MSH6: variants seen among roughly 807,000 people sequenced by gnomAD.
MSH6 encodes mutS homolog 6.
Under a neutral mutation model 119.1 loss-of-function variants are expected in MSH6, and 85 were observed. The observed-to-expected ratio is 0.71, with a 90% confidence interval of 0.60 to 0.85. The LOEUF (loss-of-function observed/expected upper bound fraction) is 0.85, where lower values mean the gene tolerates loss of function less well. MSH6 is among the 40% of genes least tolerant of loss of function. The pLI is 0.00. For missense variants in MSH6, 2,163 were observed against 1,655.3 expected, an observed-to-expected ratio of 1.31 and a Z score of -5.32; for synonymous variants, 830 against 586.9, an observed-to-expected ratio of 1.41 and a Z score of -5.99.
chr2:47,806,410 C>T (rs1396287278), intron 8 of MSH6, 42 bp from the exon 9 acceptor site: 1 of 1,611,210 alleles, frequency 6.2e-7, no homozygotes, highest in Admixed American at 1.7e-5. Context: ...GAGGGCACTT[C>T]TCTTGCTAGC....
At chr2:47,808,591 G>C (rs1184740234), downstream of MSH6, 1 of 529,452 alleles carries the variant, frequency 1.9e-6, no homozygotes. Context: ...AATGGAGTAA[G>C]TGATTTTCCT....
Position 47,783,201 on chromosome 2 carries a change from C to G in MSH6, c.-33C>G. ...ATGCGGTGCTTTTAGGAGCTCCGTC[C>G]GACAGAACGGTTGGGCCTTGCCGGC... On this transcript the variant is annotated 5_prime_UTR_variant, in exon 1 of 10. Transcript: ENST00000234420. The G allele has an allele frequency of 6.2e-7, 1 of 1,609,842 alleles. No individual in the cohort carries two copies. The highest frequency in any genetic ancestry group is 1.1e-5 in the South Asian group (1 of 90,588).
chr2:47,803,861 C>G (rs3136352), intron 5 of MSH6, among the ~76,000 whole-genome samples, 176 bp downstream of exon 5: 1 of 152,114 alleles, frequency 6.6e-6, no homozygotes, highest in East Asian at 1.9e-4. Context: ...GCTGAAACAT[C>G]GATGCTTAAT....
chr2:47,803,168 T>C (rs1158627667), intron 4 of MSH6, among the ~76,000 whole-genome samples: 1 of 152,240 alleles, frequency 6.6e-6, no homozygotes, highest in Non-Finnish European at 1.5e-5. Context: ...TCTGCCCGCC[T>C]AGGCCTCCTG....
chr2:47,784,984 C>T (rs1000878445), intron 1 of MSH6: 3 of 151,956 alleles, frequency 2.0e-5, no homozygotes, highest in Admixed American at 2.0e-4. Context: ...CCCACCACGC[C>T]TGGCTAATTT....
At chr2:47,809,296 T>G (rs765868245), downstream of MSH6, 2 of 1,369,162 alleles carry the variant, frequency 1.5e-6, no homozygotes, top group African/African-American at 1.5e-5. Flanking sequence ...AAGTAAAAAT[T>G]CAGAGGAATG....
At chr2:47,807,521 TACTGGG>T (rs1013220641), downstream of MSH6, 1 of 210,406 alleles carries the variant, frequency 4.8e-6, no homozygotes, top group African/African-American at 2.3e-5. Flanking sequence ...AGAACGTACA[TACTGGG>T]ACATGAGTAC....
intron 1 of MSH6, chr2:47,784,244 T>C (rs1572699789): frequency 3.0e-6 from 3 of 999,242 alleles, no homozygotes; most frequent in South Asian, 9.4e-5. Flanking sequence ...CTTCGGTAGG[T>C]AGGCTGCACG....
intron 2 of MSH6, among the ~76,000 whole-genome samples, chr2:47,795,572 C>T (rs2104219687): frequency 6.6e-6 from 1 of 150,530 alleles, no homozygotes; most frequent in South Asian, 2.1e-4. Context: ...TTTAAGTGAT[C>T]TTCCCACCTC....
rs28903083 is a variant in MSH6, at chr2:47,799,036, C to T, written c.1053C>T (p.His351=). 2.3e-5 allele frequency: 37 copies of T among 1,614,026 alleles called. No individual in the cohort carries two copies. The highest frequency in any genetic ancestry group is 1.6e-4 in the Middle Eastern group (1 of 6,084). ...SAPQNSESQA[H]VSGGGDDSSR... Reference sequence around the variant, plus strand: ...CTCAAAATTCTGAATCCCAAGCCCACGTTAGTGGAGGTGGTGATGACAGTA... The same window carrying T: ...CTCAAAATTCTGAATCCCAAGCCCATGTTAGTGGAGGTGGTGATGACAGTA... Residue 351 remains histidine, a synonymous_variant, in exon 4 of 10, where the codon CAC becomes CAT. Transcript: ENST00000234420.
Position 47,806,616 on chromosome 2 carries a change from A to C in MSH6, c.3966A>C (p.Glu1322Asp), listed in dbSNP as rs1064794745. Reference protein sequence around the residue: ...VIQKGHRKAREFEKMNQSLRL... With the variant: ...VIQKGHRKARDFEKMNQSLRL... ...AAAAGGGACATAGAAAAGCAAGAGA[A>C]TTTGAGAAGATGAATCAGTCACTAC... Residue 1322 changes from glutamate to aspartate, a missense_variant, in exon 9 of 10, where the codon GAA (glutamate) becomes GAC (aspartate). Coordinates refer to ENST00000234420, the MANE Select transcript of MSH6 (RefSeq NM_000179.3). The C allele has an allele frequency of 6.2e-7, 1 of 1,612,748 alleles. No individual in the cohort carries two copies.
Position 47,800,321 on chromosome 2 carries a change from G to T in MSH6, c.2338G>T (p.Ala780Ser). ...GCGGCTCCTAAAGCAATGGCTTTGT[G>T]CCCCACTCTGTAACCATTATGCTAT... ...GKRLLKQWLC[A>S]PLCNHYAIND... Residue 780 changes from alanine to serine, a missense_variant, in exon 4 of 10, where the codon GCC (alanine) becomes TCC (serine). Transcript: ENST00000234420. The T allele has an allele frequency of 6.2e-7, 1 of 1,614,064 alleles. No individual in the cohort carries two copies. The highest frequency in any genetic ancestry group is 8.5e-7 in the Non-Finnish European group (1 of 1,180,008).
At position 47,800,152 on chromosome 2, in the gene MSH6, T is replaced by C. The variant is rs769422122; in HGVS notation, c.2169T>C (p.Gly723=). 4.3e-6 allele frequency: 7 copies of C among 1,614,046 alleles called. No individual in the cohort carries two copies. The East Asian group carries it at 1.3e-4, about 31-fold the overall frequency. Reference sequence around the variant, plus strand: ...ACACAGTCAGCACTACAAGATCTGGTGCTATCTTCACCAAAGCCTATCAAC... The same window carrying C: ...ACACAGTCAGCACTACAAGATCTGGCGCTATCTTCACCAAAGCCTATCAAC... ...DSDTVSTTRS[G]AIFTKAYQRM... The change falls in exon 4 of 10, where the codon GGT becomes GGC. Residue 723 remains glycine (G), a synonymous_variant. Coordinates refer to ENST00000234420, the MANE Select transcript of MSH6 (RefSeq NM_000179.3).
chr2:47,784,829 C>CAT (rs1442415305), intron 1 of MSH6: 4 of 151,552 alleles, frequency 2.6e-5, no homozygotes, highest in African/African-American at 4.9e-5. Flanking sequence ...TTGCCAGATA[C>CAT]ATATATATGT....
chr2:47,798,383 A>AGG (rs1385149161), intron 3 of MSH6, among the ~76,000 whole-genome samples: 35 of 152,380 alleles, frequency 2.3e-4, no homozygotes, highest in African/African-American at 8.2e-4. Flanking sequence ...AGACGTGCTC[A>AGG]GAACACTTAA....
At chr2:47,783,980 G>A in intron 1 of MSH6, 1 of 1,035,570 alleles carries the variant, frequency 9.7e-7, no homozygotes, top group Non-Finnish European at 1.2e-6. Flanking sequence ...GGGTGCGAAA[G>A]GAGGTTCCTC....
chr2:47,786,316 G>A (rs1054596915), intron 1 of MSH6, among the ~76,000 whole-genome samples: 1 of 151,996 alleles, frequency 6.6e-6, no homozygotes, highest in Admixed American at 6.6e-5. Context: ...AATCATTTAA[G>A]CCTTAAAACA....
Position 47,806,190 on chromosome 2 carries a change from TTTTAC to T in MSH6, c.3647-9_3647-5del, listed in dbSNP as rs759094365. 2.5e-6 allele frequency: 4 copies of T among 1,613,244 alleles called. No individual in the cohort carries two copies. The highest frequency in any genetic ancestry group is 1.7e-5 in the Admixed American group (1 of 59,996). On this transcript the variant is annotated splice_polypyrimidine_tract_variant and intron_variant, in intron 7 of 9. Coordinates refer to ENST00000234420, the MANE Select transcript of MSH6 (RefSeq NM_000179.3). ...CCTTTGAGTTACTTCCTTATGCATA[TTTTAC>T]TTTAACAGGAAGAGGTACTGCAACA...
At chr2:47,808,512 T>G, downstream of MSH6, 1 of 1,280,564 alleles carries the variant, frequency 7.8e-7, no homozygotes, top group Non-Finnish European at 1.1e-6. Flanking sequence ...ACTATGACCT[T>G]TGGCTTTAAG....
Sources: gnomAD v4.1 joint callset for allele counts (sites outside exome capture counted in the v4.1 genomes callset) on GRCh38, gnomAD v4.1.1 for gene constraint, MANE v1.5 for transcripts, NCBI Gene and HGNC (gene_info 2026-07-23, HGNC 2026-07-21) for gene names.